Variants in PTPRD observed in about 807,000 individuals in gnomAD.
The protein encoded by PTPRD is receptor-type tyrosine-protein phosphatase delta.
In PTPRD, 34 loss-of-function variants were observed where a neutral mutation model predicts 214.5. The ratio of observed to expected loss-of-function variants is 0.16; its 90% confidence interval spans 0.12 to 0.21. The LOEUF is 0.21. PTPRD is among the 10% of genes least tolerant of loss of function. PTPRD has a pLI of 1.00. For synonymous variants in PTPRD, 1,128 were observed against 845.7 expected (o/e 1.33, Z -5.79); for missense variants, 2,545 against 2,398.7 (o/e 1.06, Z -1.27).
intron 3 of PTPRD, among the ~76,000 whole-genome samples, chr9:10,106,057 C>T (rs1229193627): frequency 6.9e-6 from 1 of 144,708 alleles, no homozygotes; most frequent in East Asian, 2.1e-4. Flanking sequence ...TTTGTAACTA[C>T]TCCTTTTCCC....
chr9:9,543,776 T>G (rs143432445), intron 8 of PTPRD, among the ~76,000 whole-genome samples: 1 of 151,688 alleles, frequency 6.6e-6, no homozygotes, highest in African/African-American at 2.4e-5. Context: ...GTCTATACTA[T>G]AGTGTTGCAC....
At chr9:8,946,163 A>T (rs10816016) in intron 11 of PTPRD, among the ~76,000 whole-genome samples, 42,900 of 152,108 alleles carry the variant, frequency 0.28, 6,920 homozygotes, top group East Asian at 0.69. Flanking sequence ...AAAGATAACC[A>T]GTTATTAACA....
chr9:9,226,096 C>T (rs1594021230), intron 9 of PTPRD, among the ~76,000 whole-genome samples: 3 of 152,014 alleles, frequency 2.0e-5, no homozygotes, highest in African/African-American at 7.2e-5. Flanking sequence ...ATTGACGTTA[C>T]CTCTACCAGA....
At chr9:8,678,849 G>A (rs1028392332) in intron 12 of PTPRD, among the ~76,000 whole-genome samples, 1 of 152,052 alleles carries the variant, frequency 6.6e-6, no homozygotes, top group East Asian at 1.9e-4. Context: ...CCTATTCTCT[G>A]GATTAAAAGT....
At chr9:9,835,887 G>A (rs1375225555) in intron 5 of PTPRD, among the ~76,000 whole-genome samples, 1 of 152,052 alleles carries the variant, frequency 6.6e-6, no homozygotes, top group Non-Finnish European at 1.5e-5. Flanking sequence ...TCATCATTCA[G>A]TGAGAAGAAA....
chr9:10,308,528 T>C (rs1036138108), intron 3 of PTPRD, among the ~76,000 whole-genome samples: 7 of 151,230 alleles, frequency 4.6e-5, no homozygotes, highest in African/African-American at 7.3e-5. Flanking sequence ...GTGTTCAAGA[T>C]TGCTTTGGCT....
chr9:9,394,467 C>A (rs1286721980), intron 9 of PTPRD, among the ~76,000 whole-genome samples: 1 of 152,076 alleles, frequency 6.6e-6, no homozygotes, highest in African/African-American at 2.4e-5. Flanking sequence ...ATTGTGTAGC[C>A]AGAATATCTG....
chr9:10,437,918 C>A (rs1171461358), intron 2 of PTPRD, among the ~76,000 whole-genome samples: 1 of 149,346 alleles, frequency 6.7e-6, no homozygotes, highest in East Asian at 2.0e-4. Flanking sequence ...TTAAAAGTAC[C>A]TATTCTGTGT....
chr9:9,560,700 G>A (rs970943226), intron 8 of PTPRD, among the ~76,000 whole-genome samples: 2 of 152,194 alleles, frequency 1.3e-5, no homozygotes, highest in African/African-American at 4.8e-5. Flanking sequence ...GGGAGTGGGT[G>A]GATGGGCAGA....
intron 11 of PTPRD, among the ~76,000 whole-genome samples, chr9:8,781,509 G>C (rs761182397): frequency 5.3e-5 from 8 of 152,280 alleles, no homozygotes; most frequent in African/African-American, 1.7e-4. Flanking sequence ...TTTAAAGTAA[G>C]AGTACAACTC....
At chr9:9,404,966 G>A (rs957487312) in intron 8 of PTPRD, among the ~76,000 whole-genome samples, 1 of 152,048 alleles carries the variant, frequency 6.6e-6, no homozygotes, top group Admixed American at 6.6e-5. Flanking sequence ...ACTGGTTTGT[G>A]GTTTAGATTC....
At chr9:9,181,359 G>A (rs1048553145) in intron 10 of PTPRD, among the ~76,000 whole-genome samples, 1 of 151,742 alleles carries the variant, frequency 6.6e-6, no homozygotes, top group Admixed American at 6.6e-5. Context: ...TTCTGACTGT[G>A]TGCTATGATT....
chr9:9,552,636 T>C (rs2080579309), intron 8 of PTPRD, among the ~76,000 whole-genome samples: 1 of 152,066 alleles, frequency 6.6e-6, no homozygotes, highest in South Asian at 2.1e-4. Flanking sequence ...TATCTAGTGT[T>C]TTGCAGACAT....
At position 10,177,622 on chromosome 9, in the gene PTPRD, G is replaced by A. The variant is rs148999029; in HGVS notation, c.-544-143832C>T. Among the ~76,000 whole-genome samples the A allele has an allele frequency of 6.6e-5, 10 of 151,940 alleles. No homozygotes were observed. The East Asian group carries it at 1.9e-3, about 29-fold the overall frequency. ...GAACTATGATAGGGGCTCAAATCAG[G>A]CTGCTGTCAACGGGAATGAAATTAT... On this transcript the variant is annotated intron_variant, in intron 3 of 45. Coordinates refer to ENST00000381196, the MANE Select transcript of PTPRD (RefSeq NM_002839.4).
At chr9:8,734,853 C>T (rs1192647936) in intron 11 of PTPRD, among the ~76,000 whole-genome samples, 1 of 152,178 alleles carries the variant, frequency 6.6e-6, no homozygotes, top group Non-Finnish European at 1.5e-5. Context: ...TCAAGACTGA[C>T]ATCATGGAAA....
Position 9,129,554 on chromosome 9 carries a change from A to G in PTPRD, c.-143+53750T>C, listed in dbSNP as rs572281752. ...CCTTTTAGCTTCTGACAGCTGATACATCGTTCAATTAATGACCAGATTTAC... is the reference window on the plus strand; with the variant it reads ...CCTTTTAGCTTCTGACAGCTGATACGTCGTTCAATTAATGACCAGATTTAC... On this transcript the variant is annotated intron_variant, in intron 10 of 45. Transcript: ENST00000381196. 1.3e-4 allele frequency among the ~76,000 whole-genome samples: 20 copies of G among 152,278 alleles called. No individual in the cohort carries two copies. In the South Asian group the frequency reaches 4.1e-3, roughly 32 times the overall value.
At chr9:9,693,329 G>A (rs1348820702) in intron 7 of PTPRD, among the ~76,000 whole-genome samples, 1 of 152,052 alleles carries the variant, frequency 6.6e-6, no homozygotes, top group African/African-American at 2.4e-5. Context: ...TCTCATGTTT[G>A]TGAGTGGATT....
intron 14 of PTPRD, among the ~76,000 whole-genome samples, chr9:8,592,130 A>C (rs2094150960): frequency 6.6e-6 from 1 of 152,216 alleles, no homozygotes; most frequent in Non-Finnish European, 1.5e-5. Context: ...AAAATTAAAA[A>C]TAAGACATAT....
intron 8 of PTPRD, among the ~76,000 whole-genome samples, chr9:9,496,903 T>TGTC (rs1475154041): frequency 9.9e-5 from 15 of 152,118 alleles, no homozygotes; most frequent in African/African-American, 3.6e-4. Flanking sequence ...TAAAATAGAA[T>TGTC]ATCATTCAGC....
Sources: gnomAD v4.1 joint callset for allele counts (sites outside exome capture counted in the v4.1 genomes callset) on GRCh38, gnomAD v4.1.1 for gene constraint, MANE v1.5 for transcripts, NCBI Gene and HGNC (gene_info 2026-07-23, HGNC 2026-07-21) for gene names.